The following SLC41A2 variants were observed in gnomAD, a reference collection of about 807,000 sequenced individuals.
SLC41A2 encodes solute carrier family 41 member 2, also known as SLC41A1-like 1.
Under a neutral mutation model 58.3 loss-of-function variants are expected in SLC41A2, and 32 were observed. That is an observed-to-expected ratio of 0.55 (90% CI 0.41 to 0.74). The LOEUF (loss-of-function observed/expected upper bound fraction) is 0.74, where lower values mean the gene tolerates loss of function less well. Among genes scored for constraint, SLC41A2 ranks in the 30% least tolerant of loss-of-function variants. The pLI is 0.00. For synonymous variants in SLC41A2, 190 were observed against 235.0 expected, an observed-to-expected ratio of 0.81 and a Z score of 1.75; for missense variants, 514 against 680.6, an observed-to-expected ratio of 0.76 and a Z score of 2.72.
intron 1 of SLC41A2, among the ~76,000 whole-genome samples, chr12:104,936,188 C>T (rs2047262327): frequency 6.6e-6 from 1 of 152,118 alleles, no homozygotes; most frequent in Admixed American, 6.6e-5. Context: ...CATACAGTTA[C>T]ATATATGTAG....
At chr12:104,895,417 T>C (rs1251481672) in intron 3 of SLC41A2, 72 bp from the exon 4 acceptor site, 4 of 1,072,180 alleles carry the variant, frequency 3.7e-6, no homozygotes, top group Non-Finnish European at 4.2e-6. Context: ...AAACAGCACA[T>C]GAAATCTTAA....
intron 2 of SLC41A2, among the ~76,000 whole-genome samples, chr12:104,913,081 C>G (rs544771458): frequency 1.3e-5 from 2 of 152,276 alleles, no homozygotes; most frequent in South Asian, 4.1e-4. Context: ...GGGAGAATTA[C>G]TATGAAATAC....
intron 6 of SLC41A2, among the ~76,000 whole-genome samples, chr12:104,881,977 T>A (rs990627505): frequency 2.0e-5 from 3 of 152,230 alleles, no homozygotes; most frequent in Admixed American, 6.5e-5. Flanking sequence ...TCTCAGGACT[T>A]GCTTTATGAA....
chr12:104,889,912 A>T (rs1047158271), intron 4 of SLC41A2, among the ~76,000 whole-genome samples: 1 of 151,488 alleles, frequency 6.6e-6, no homozygotes, highest in Non-Finnish European at 1.5e-5. Flanking sequence ...AATAAAAAAA[A>T]CCTGCCACTA....
At chr12:104,827,966 C>T (rs948225468) in intron 10 of SLC41A2, among the ~76,000 whole-genome samples, 3 of 152,214 alleles carry the variant, frequency 2.0e-5, no homozygotes, top group East Asian at 3.9e-4. Context: ...GCTCCACCCC[C>T]AGGCCTGTGC....
chr12:104,808,070 C>G (rs1238837860), intron 10 of SLC41A2, among the ~76,000 whole-genome samples: 2 of 152,152 alleles, frequency 1.3e-5, no homozygotes, highest in Non-Finnish European at 2.9e-5. Flanking sequence ...CCTTCTCCTG[C>G]CTGATTGCCC....
intron 6 of SLC41A2, among the ~76,000 whole-genome samples, chr12:104,885,171 T>C (rs1039683883): frequency 2.6e-5 from 4 of 152,214 alleles, no homozygotes; most frequent in Non-Finnish European, 5.9e-5. Flanking sequence ...ATTTAGGCCA[T>C]TGATCATTTC....
intron 1 of SLC41A2, among the ~76,000 whole-genome samples, chr12:104,940,351 TG>T (rs61040954): frequency 0.71 from 105,084 of 147,922 alleles, 37,822 homozygotes; most frequent in African/African-American, 0.84. Context: ...AAGGCTCACC[TG>T]GGGGGGAGGG....
At chr12:104,945,638 T>A (rs1488167083) in intron 1 of SLC41A2, among the ~76,000 whole-genome samples, 1 of 152,160 alleles carries the variant, frequency 6.6e-6, no homozygotes, top group African/African-American at 2.4e-5. Context: ...AAGACAAAAA[T>A]AGGCTCATAT....
At chr12:104,888,014 T>C (rs997204740) in intron 5 of SLC41A2, among the ~76,000 whole-genome samples, 1 of 151,984 alleles carries the variant, frequency 6.6e-6, no homozygotes, top group Non-Finnish European at 1.5e-5. Context: ...AAATTTTAAA[T>C]GACACTTTCT....
intron 10 of SLC41A2, among the ~76,000 whole-genome samples, chr12:104,827,265 C>T (rs2041879057): frequency 6.6e-6 from 1 of 152,168 alleles, no homozygotes; most frequent in Non-Finnish European, 1.5e-5. Context: ...AAAAACAGGT[C>T]CTGGGACCAG....
intron 10 of SLC41A2, among the ~76,000 whole-genome samples, chr12:104,807,463 T>C (rs1291272132): frequency 6.6e-6 from 1 of 152,240 alleles, no homozygotes; most frequent in Non-Finnish European, 1.5e-5. Flanking sequence ...TTTTGGTTAC[T>C]GTAGCCTTGT....
At chr12:104,842,840 C>T (rs868117333) in intron 10 of SLC41A2, among the ~76,000 whole-genome samples, 1 of 152,018 alleles carries the variant, frequency 6.6e-6, no homozygotes, top group Non-Finnish European at 1.5e-5. Context: ...TATAATGGCA[C>T]AGAACCATAA....
At chr12:104,825,659 T>A (rs968911175) in intron 10 of SLC41A2, among the ~76,000 whole-genome samples, 1 of 152,200 alleles carries the variant, frequency 6.6e-6, no homozygotes, top group African/African-American at 2.4e-5. Context: ...TGAGACACTC[T>A]AAACAGATAC....
intron 4 of SLC41A2, among the ~76,000 whole-genome samples, chr12:104,891,079 T>C (rs2044941170): frequency 6.6e-6 from 1 of 152,120 alleles, no homozygotes; most frequent in African/African-American, 2.4e-5. Flanking sequence ...CCCCCAACCA[T>C]TACCCCCACC....
chr12:104,878,255 A>C (rs1248463220), intron 6 of SLC41A2, among the ~76,000 whole-genome samples: 2 of 150,022 alleles, frequency 1.3e-5, no homozygotes. Flanking sequence ...AAATGACTTA[A>C]TGGTAATTTA....
chr12:104,827,088 T>C (rs1039062186), intron 10 of SLC41A2, among the ~76,000 whole-genome samples: 6 of 152,188 alleles, frequency 3.9e-5, no homozygotes, highest in African/African-American at 1.4e-4. Context: ...TACTAAGTTG[T>C]CCATGATCGA....
At chr12:104,852,476 C>T (rs1592996644) in intron 8 of SLC41A2, among the ~76,000 whole-genome samples, 1 of 152,260 alleles carries the variant, frequency 6.6e-6, no homozygotes, top group South Asian at 2.1e-4. Flanking sequence ...CTAAAACCCA[C>T]AAATTTGTTG....
intron 1 of SLC41A2, among the ~76,000 whole-genome samples, chr12:104,938,153 T>C (rs917932184): frequency 6.6e-6 from 1 of 152,094 alleles, no homozygotes; most frequent in Non-Finnish European, 1.5e-5. Context: ...AATTGTGGCA[T>C]ATCTATACAA....
Sources: gnomAD v4.1 joint callset for allele counts (sites outside exome capture counted in the v4.1 genomes callset) on GRCh38, gnomAD v4.1.1 for gene constraint, MANE v1.5 for transcripts, NCBI Gene and HGNC (gene_info 2026-07-23, HGNC 2026-07-21) for gene names.